CCDC88C: variants seen among roughly 807,000 people sequenced by gnomAD.
The protein encoded by CCDC88C is protein Daple.
Under a neutral mutation model 198.8 loss-of-function variants are expected in CCDC88C, and 131 were observed. The observed-to-expected ratio is 0.66, with a 90% CI of 0.57 to 0.76. CCDC88C has a LOEUF of 0.76. Ranked by LOEUF, CCDC88C falls within the 30% of genes least tolerant of loss-of-function variation. CCDC88C has a pLI of 0.00. For synonymous variants in CCDC88C, 1,166 were observed against 1,114.7 expected, an observed-to-expected ratio of 1.05 and a Z score of -0.92; for missense variants, 2,553 against 2,631.6, an observed-to-expected ratio of 0.97 and a Z score of 0.65.
chr14:91,327,973 T>C (rs1351637099), intron 10 of CCDC88C, among the ~76,000 whole-genome samples: 1 of 152,192 alleles, frequency 6.6e-6, no homozygotes, highest in African/African-American at 2.4e-5. Context: ...GCTCCTAGTG[T>C]TCTGGGTCTG....
At chr14:91,389,884 A>T (rs12434227) in intron 3 of CCDC88C, among the ~76,000 whole-genome samples, 45,411 of 151,400 alleles carry the variant, frequency 0.3, 7,161 homozygotes, top group Middle Eastern at 0.37. Context: ...CATCCTGGCT[A>T]ACACGGTGAA....
rs1447779064 is a variant in CCDC88C at position 91,330,241 on chromosome 14, A to C, written c.1051-4185T>G. Among the ~76,000 whole-genome samples the C allele has an allele frequency of 2.6e-5, 4 of 152,242 alleles. No homozygotes were observed. In the East Asian group the frequency reaches 7.7e-4, roughly 29 times the overall value. On this transcript the variant is annotated intron_variant, in intron 10 of 29. Transcript: ENST00000389857. ...AGGAAGCCTGGAGCAGGAGGCTGGGAGACGCAGCCCGCACAGTTCAGCGCC... is the reference window on the plus strand; with the variant it reads ...AGGAAGCCTGGAGCAGGAGGCTGGGCGACGCAGCCCGCACAGTTCAGCGCC...
chr14:91,279,116 T>C, intron 28 of CCDC88C, 122 bp downstream of exon 28: 1 of 772,896 alleles, frequency 1.3e-6, no homozygotes, highest in South Asian at 1.5e-5. Flanking sequence ...CCCAGGCTGG[T>C]TTCTAACTCC....
intron 3 of CCDC88C, among the ~76,000 whole-genome samples, chr14:91,395,392 AC>A (rs1315970095): frequency 6.6e-6 from 1 of 151,878 alleles, no homozygotes; most frequent in Non-Finnish European, 1.5e-5. Flanking sequence ...GGTAATTTTT[AC>A]CCCTGCTCTA....
At chr14:91,345,488 G>T (rs1018962885) in intron 4 of CCDC88C, among the ~76,000 whole-genome samples, 2 of 152,040 alleles carry the variant, frequency 1.3e-5, no homozygotes, top group African/African-American at 4.8e-5. Context: ...GCCGTGCCCG[G>T]CCTTAAAATA....
chr14:91,304,997 C>T (rs1891498728), intron 19 of CCDC88C, among the ~76,000 whole-genome samples: 4 of 152,122 alleles, frequency 2.6e-5, no homozygotes, highest in Admixed American at 2.6e-4. Context: ...AATCCCAGCA[C>T]TTTGGGAGGT....
At chr14:91,336,900 G>C (rs528244299) in intron 10 of CCDC88C, among the ~76,000 whole-genome samples, 1 of 152,244 alleles carries the variant, frequency 6.6e-6, no homozygotes, top group South Asian at 2.1e-4. Context: ...ACAGCTCCAC[G>C]GCAGGGAGAG....
In CCDC88C at chr14:91,284,621, A is replaced by T. The variant is rs549187161; in HGVS notation, c.4442-1104T>A. 9.2e-5 allele frequency among the ~76,000 whole-genome samples: 14 copies of T among 152,368 alleles called. No homozygotes were observed. Among genetic ancestry groups the T allele is most frequent in the Admixed American group, 6.5e-4 (10 of 15,306 alleles). ...GGAAGGCAGGTCTGGAGGACCCGGC[A>T]CCACGGCAGCCCAGGGTTCCCAGAG... is the stretch of plus-strand genomic sequence containing the variant. On this transcript the variant is annotated intron_variant, in intron 25 of 29. Transcript: ENST00000389857. This position sits in a 1 kb window ranked among gnomAD's most constrained non-coding sequence, Gnocchi z 4.1.
chr14:91,384,938 A>G (rs924793176), intron 3 of CCDC88C, among the ~76,000 whole-genome samples: 2 of 152,166 alleles, frequency 1.3e-5, no homozygotes, highest in African/African-American at 4.8e-5. Context: ...AGGATACTAC[A>G]GTTCCCATCC....
At chr14:91,308,251 A>G (rs935485815) in intron 17 of CCDC88C, 100 bp downstream of exon 17, 11 of 1,386,892 alleles carry the variant, frequency 7.9e-6, no homozygotes, top group African/African-American at 1.4e-5. Context: ...GCCCTAGAAA[A>G]TGGGTATCCA....
chr14:91,382,837 G>A (rs1028660235), intron 3 of CCDC88C, among the ~76,000 whole-genome samples: 1 of 152,106 alleles, frequency 6.6e-6, no homozygotes, highest in Non-Finnish European at 1.5e-5. Flanking sequence ...TAAAGACTAG[G>A]GCCTCTCAGG....
chr14:91,325,834 G>C lies in CCDC88C; in HGVS notation c.1197+76C>G. Reference sequence around the variant, plus strand: ...TCCTCCCACCTTAGCCTCCCAAAGTGCTGGGATTACAGGCATGAGCCACTG... The same window carrying C: ...TCCTCCCACCTTAGCCTCCCAAAGTCCTGGGATTACAGGCATGAGCCACTG... On this transcript the variant is annotated intron_variant, in intron 11 of 29. Coordinates refer to ENST00000389857, the MANE Select transcript of CCDC88C (RefSeq NM_001080414.4). This position sits in a 1 kb window ranked among gnomAD's most constrained non-coding sequence, Gnocchi z 4.1. 1 of 1,429,108 alleles carries C rather than the reference G, an allele frequency of 7.0e-7. No individual in the cohort carries two copies. Among genetic ancestry groups the C allele is most frequent in the South Asian group, 1.3e-5 (1 of 76,148 alleles). The allele number at this position is 1,429,108 out of a possible 1,614,324, so 88.5% of individuals were successfully genotyped here.
At chr14:91,322,203 C>G (rs1235623572) in intron 12 of CCDC88C, among the ~76,000 whole-genome samples, 1 of 152,182 alleles carries the variant, frequency 6.6e-6, no homozygotes, top group Non-Finnish European at 1.5e-5. Context: ...CCTCCCCCTA[C>G]CTCTTCACCC....
intron 25 of CCDC88C, chr14:91,285,814 G>A (rs1261310239): frequency 7.8e-7 from 1 of 1,288,890 alleles, no homozygotes; most frequent in Non-Finnish European, 1.0e-6. Flanking sequence ...TTTTCAAAAA[G>A]GGACTCTTTT....
Position 91,272,981 on chromosome 14 carries a change from C to T in CCDC88C, c.5731G>A (p.Ala1911Thr), listed in dbSNP as rs781092683. The T allele has an allele frequency of 3.9e-6, 6 of 1,557,350 alleles. No homozygotes were observed. The highest frequency in any genetic ancestry group is 5.2e-6 in the Non-Finnish European group (6 of 1,156,992). The change falls in exon 30 of 30, where the codon GCA (alanine) becomes ACA (threonine). Residue 1911 changes from alanine to threonine, a missense_variant. Physicochemically the swap from Ala to Thr is moderately conservative, Grantham distance 58. This residue lies in a region of CCDC88C where 1,293 missense variants were observed against 1,219.6 expected (regional missense o/e 1.06). Transcript: ENST00000389857. ...CCAGCAGCAGCAGCACCAGCACCTG[C>T]AGTGGCAATGGCGGGGGCTGTGGCA... ...QSATAPAIATAGAGAAAAGSG... is the reference protein window; with the variant it reads ...QSATAPAIATTGAGAAAAGSG...
intron 10 of CCDC88C, among the ~76,000 whole-genome samples, chr14:91,333,576 G>A (rs1892920805): frequency 2.0e-5 from 3 of 152,356 alleles, no homozygotes; most frequent in South Asian, 2.1e-4. Flanking sequence ...GGAAGGACAC[G>A]GCAAACTGTA....
At chr14:91,360,307 G>T (rs1024329367) in intron 3 of CCDC88C, among the ~76,000 whole-genome samples, 9 of 143,398 alleles carry the variant, frequency 6.3e-5, no homozygotes, top group Non-Finnish European at 1.6e-5. Context: ...AATTAGCCAG[G>T]TATAGTGGTA....
At chr14:91,343,759 C>T in intron 4 of CCDC88C, 102 bp from the exon 5 acceptor site, 2 of 1,373,934 alleles carry the variant, frequency 1.5e-6, no homozygotes, top group Non-Finnish European at 2.0e-6. Flanking sequence ...AATCATCTCT[C>T]TACTCTGTGA....
rs1260835101 is a variant in CCDC88C at position 91,309,883 on chromosome 14, T to G, written c.2840A>C (p.Gln947Pro). ...CGTGTCACTGCCGCTGTCGTCCTCC[T>G]GCAACAGCAGCTCCCTGTTGAGGCC... is the stretch of plus-strand genomic sequence containing the variant. ...KVGLNRELLL[Q>P]EDDSGSDTKY... The change falls in exon 16 of 30, where the codon CAG becomes CCG. Residue 947 changes from glutamine (Q) to proline (P), a missense_variant. Physicochemically the swap from Gln to Pro is moderately conservative, Grantham distance 76 (BLOSUM62 -1). Transcript: ENST00000389857. 2.5e-6 allele frequency: 4 copies of G among 1,611,806 alleles called. No individual in the cohort carries two copies. Among genetic ancestry groups the G allele is most frequent in the Middle Eastern group, 1.7e-4 (1 of 6,052 alleles).
Sources: allele counts gnomAD v4.1 joint callset (sites outside exome capture counted in the v4.1 genomes callset), GRCh38; gene constraint gnomAD v4.1.1; regional missense constraint gnomAD v4.1.1; non-coding constraint Gnocchi (gnomAD v3.1); transcripts MANE v1.5; gene names NCBI Gene and HGNC (gene_info 2026-07-23, HGNC 2026-07-21).